Variants in DIXDC1 observed in about 807,000 individuals in gnomAD.
DIXDC1 encodes DIX domain containing 1.
A neutral mutation model predicts 103.1 loss-of-function variants in DIXDC1; 64 were observed. The observed-to-expected ratio is 0.62, with a 90% confidence interval of 0.51 to 0.76. The LOEUF (loss-of-function observed/expected upper bound fraction) is 0.76. Ranked by LOEUF, DIXDC1 falls within the 30% of genes least tolerant of loss-of-function variation. The pLI, the probability that DIXDC1 is intolerant of heterozygous loss-of-function variation, is 0.00. For synonymous variants in DIXDC1, 266 were observed against 298.5 expected (o/e 0.89, Z 1.12); for missense variants, 759 against 834.2 (o/e 0.91, Z 1.11).
At chr11:111,945,968 G>T (rs1272769092) in intron 1 of DIXDC1, among the ~76,000 whole-genome samples, 4 of 131,220 alleles carry the variant, frequency 3.0e-5, no homozygotes, top group African/African-American at 1.2e-4. Context: ...ATGGAGTCTC[G>T]TTCTGTCGCT....
chr11:111,969,022 C>A (rs1309086088), intron 3 of DIXDC1, among the ~76,000 whole-genome samples: 1 of 151,976 alleles, frequency 6.6e-6, no homozygotes, highest in Non-Finnish European at 1.5e-5. Flanking sequence ...GATCTACCCG[C>A]CTCGCCTTGG....
At chr11:111,985,181 T>A in intron 7 of DIXDC1, 51 bp from the exon 8 acceptor site, 1 of 1,440,340 alleles carries the variant, frequency 6.9e-7, no homozygotes, top group Admixed American at 1.8e-5. Flanking sequence ...AACTCTGGAC[T>A]AAGTCATCTG....
At position 111,980,869 on chromosome 11, in the gene DIXDC1, C is replaced by T. The variant is rs781983847; in HGVS notation, c.769+20C>T. 3 of 1,601,540 alleles carry T rather than the reference C, an allele frequency of 1.9e-6. No individual in the cohort carries two copies. The highest frequency in any genetic ancestry group is 4.5e-5 in the East Asian group (2 of 44,804). On this transcript the variant is annotated intron_variant, in intron 6 of 19. Transcript: ENST00000440460. ...GAACAGGTACTATCTCTACGCCTGC[C>T]TGGGCTGGTTCAAGGAACAGTCAGC...
At chr11:111,975,433 T>C in intron 5 of DIXDC1, 1 of 1,012,070 alleles carries the variant, frequency 9.9e-7, no homozygotes, top group South Asian at 4.2e-5. Context: ...TTAGAATGTT[T>C]CCAACTTTCC....
chr11:111,976,191 T>C lies in DIXDC1; in HGVS notation c.656+1208T>C, dbSNP rs1272884915. Among the ~76,000 whole-genome samples the C allele has an allele frequency of 6.6e-6, 1 of 152,188 alleles. No homozygotes were observed. Among genetic ancestry groups the C allele is most frequent in the Non-Finnish European group, 1.5e-5 (1 of 68,036 alleles). On this transcript the variant is annotated intron_variant, in intron 5 of 19. Transcript: ENST00000440460. The surrounding 1 kb of genome is among the most constrained non-coding windows in gnomAD (Gnocchi z 4.3). ...GGAGCGGAATTACAGGATGTTTTGTTGTATTGCTTCCTGCACTTCTGCAGG... is the reference window on the plus strand; with the variant it reads ...GGAGCGGAATTACAGGATGTTTTGTCGTATTGCTTCCTGCACTTCTGCAGG...
intron 4 of DIXDC1, 118 bp from the exon 5 acceptor site, chr11:111,974,758 G>A (rs781896592): frequency 1.0e-5 from 15 of 1,486,136 alleles, no homozygotes; most frequent in Non-Finnish European, 1.3e-5. Flanking sequence ...TTGAGGCAGG[G>A]GTTTTGTCTT....
At chr11:111,938,152 C>G (rs35759638) in intron 1 of DIXDC1, among the ~76,000 whole-genome samples, 47,481 of 152,108 alleles carry the variant, frequency 0.31, 8,459 homozygotes, top group East Asian at 0.58. Flanking sequence ...GGAGCCAGCG[C>G]GTGCACCGGT....
rs587688528 is a variant in DIXDC1, at chr11:111,957,426, A to G, written c.61-7123A>G. ...ACAAATACTAATTCATTACAAAGGGAAAAAGAGCAACTTTACAGTAGAGAA... is the reference window on the plus strand; with the variant it reads ...ACAAATACTAATTCATTACAAAGGGGAAAAGAGCAACTTTACAGTAGAGAA... On this transcript the variant is annotated intron_variant, in intron 1 of 19. Coordinates refer to ENST00000440460, the MANE Select transcript of DIXDC1 (RefSeq NM_001037954.4). Among the ~76,000 whole-genome samples the G allele has an allele frequency of 1.2e-4, 18 of 152,346 alleles. 1 individual carries two copies. In the East Asian group the frequency reaches 2.1e-3, roughly 18 times the overall value.
chr11:111,993,876 T>A (rs1860793850), intron 14 of DIXDC1, 136 bp downstream of exon 14: 1 of 983,358 alleles, frequency 1.0e-6, no homozygotes. Context: ...AAGTGCAGGT[T>A]CCAGAATAAG....
chr11:111,960,084 A>G (rs1470813786), intron 1 of DIXDC1, among the ~76,000 whole-genome samples: 1 of 151,616 alleles, frequency 6.6e-6, no homozygotes, highest in Non-Finnish European at 1.5e-5. Flanking sequence ...TAATTTTTGT[A>G]TTTTTAGTAG....
chr11:111,927,908 C>G (rs956825625), intron 1 of DIXDC1, among the ~76,000 whole-genome samples: 2 of 148,012 alleles, frequency 1.4e-5, no homozygotes, highest in Non-Finnish European at 3.0e-5. Flanking sequence ...CCCAGCTACT[C>G]AGGAGACTGA....
chr11:111,939,850 T>G (rs1295946354), intron 1 of DIXDC1, among the ~76,000 whole-genome samples: 1 of 152,208 alleles, frequency 6.6e-6, no homozygotes, highest in African/African-American at 2.4e-5. Context: ...GTCCTTGAGA[T>G]AAGGATGTAA....
At chr11:111,937,132 G>A (rs868955026), upstream of DIXDC1, 413 of 369,550 alleles carry the variant, frequency 1.1e-3, 84 homozygotes, top group African/African-American at 0.011. Context: ...CGGCCCGGGC[G>A]GGGGGGGGGT....
At chr11:112,012,918 G>A (rs1197706003) in intron 17 of DIXDC1, among the ~76,000 whole-genome samples, 2 of 152,134 alleles carry the variant, frequency 1.3e-5, no homozygotes, top group Non-Finnish European at 2.9e-5. Flanking sequence ...CCCCTGTGTA[G>A]CATTTGACAT....
chr11:111,948,402 C>T (rs587639418), intron 1 of DIXDC1, among the ~76,000 whole-genome samples: 4 of 152,230 alleles, frequency 2.6e-5, no homozygotes, highest in South Asian at 2.1e-4. Context: ...CAGACTTTAC[C>T]GTCAGTCACT....
At chr11:111,980,092 T>C (rs1860246058) in intron 5 of DIXDC1, among the ~76,000 whole-genome samples, 1 of 152,206 alleles carries the variant, frequency 6.6e-6, no homozygotes, top group South Asian at 2.1e-4. Context: ...TCCTAGCAGG[T>C]CTTTCCCCTT....
intron 6 of DIXDC1, 185 bp from the exon 7 acceptor site, chr11:111,982,154 G>C: frequency 1.8e-6 from 1 of 542,284 alleles, no homozygotes; most frequent in Non-Finnish European, 3.2e-6. Flanking sequence ...AAGTGAGCCT[G>C]AGGCCTGAGC....
At chr11:112,016,899 GTATAGTGAGATCTCAC>G (rs1861607405) in intron 18 of DIXDC1, 103 bp downstream of exon 18, 1 of 956,712 alleles carries the variant, frequency 1.0e-6, no homozygotes, top group Non-Finnish European at 1.6e-6. Flanking sequence ...TTGAGAAGCA[GTATAGTGAGATCTCAC>G]TATAGTGAGA....
intron 2 of DIXDC1, among the ~76,000 whole-genome samples, chr11:111,931,069 G>C (rs1182224178): frequency 2.6e-5 from 4 of 151,744 alleles, no homozygotes; most frequent in Admixed American, 6.6e-5. Flanking sequence ...GATCAGGCTG[G>C]TCTCGAACTC....
Sources: allele counts gnomAD v4.1 joint callset (sites outside exome capture counted in the v4.1 genomes callset), GRCh38; gene constraint gnomAD v4.1.1; non-coding constraint Gnocchi (gnomAD v3.1); transcripts MANE v1.5; gene names NCBI Gene and HGNC (gene_info 2026-07-23, HGNC 2026-07-21).